GIGYF2: variants seen among roughly 807,000 people sequenced by gnomAD.
GIGYF2 encodes the protein GRB10 interacting GYF protein 2, also known as GRB10-interacting GYF protein 2.
Under a neutral mutation model 208.1 loss-of-function variants are expected in GIGYF2, and 25 were observed. That is an observed-to-expected ratio of 0.12 (90% CI 0.09 to 0.17). The LOEUF (loss-of-function observed/expected upper bound fraction) is 0.17. Ranked by LOEUF, GIGYF2 falls within the 10% of genes least tolerant of loss-of-function variation. The probability of loss-of-function intolerance (pLI) is 1.00; values close to 1 mark genes in which losing one functional copy is unlikely to be tolerated. For missense variants in GIGYF2, 1,302 were observed against 1,579.4 expected, an observed-to-expected ratio of 0.82 and a Z score of 2.98; for synonymous variants, 534 against 543.8, an observed-to-expected ratio of 0.98 and a Z score of 0.25.
intron 12 of GIGYF2, among the ~76,000 whole-genome samples, chr2:232,792,443 A>G (rs1200218445): frequency 6.6e-6 from 1 of 152,192 alleles, no homozygotes; most frequent in Non-Finnish European, 1.5e-5. Context: ...ATTTTTTTAA[A>G]GAGATGGGAT....
chr2:232,849,391 C>G (rs1432468947), intron 27 of GIGYF2, among the ~76,000 whole-genome samples: 1 of 152,102 alleles, frequency 6.6e-6, no homozygotes, highest in Non-Finnish European at 1.5e-5. Flanking sequence ...GTCTTGAACT[C>G]CCGACCTCAT....
chr2:232,798,840 C>A (rs922421669), intron 14 of GIGYF2, among the ~76,000 whole-genome samples: 4 of 150,754 alleles, frequency 2.7e-5, no homozygotes, highest in Non-Finnish European at 5.9e-5. Context: ...TTAAAATTTA[C>A]CATCTTAGCC....
chr2:232,752,965 A>C (rs372276604), intron 5 of GIGYF2, among the ~76,000 whole-genome samples: 1 of 152,014 alleles, frequency 6.6e-6, no homozygotes, highest in South Asian at 2.1e-4. Flanking sequence ...AATAACCACT[A>C]TTTCCATTTT....
intron 21 of GIGYF2, among the ~76,000 whole-genome samples, chr2:232,820,377 T>G (rs986689208): frequency 6.8e-6 from 1 of 147,822 alleles, no homozygotes; most frequent in African/African-American, 2.5e-5. Context: ...TGCAGTGGTG[T>G]GATCTTGGCT....
chr2:232,775,050 A>C (rs1000857075), intron 8 of GIGYF2, among the ~76,000 whole-genome samples: 1 of 152,064 alleles, frequency 6.6e-6, no homozygotes, highest in African/African-American at 2.4e-5. Flanking sequence ...TGATAATCGG[A>C]ACAGTTAAGC....
intron 2 of GIGYF2, chr2:232,731,056 A>G (rs1433756414): frequency 6.6e-6 from 1 of 152,170 alleles, no homozygotes; most frequent in African/African-American, 2.4e-5. Flanking sequence ...GTAGTACTCA[A>G]AGATTTATAG....
intron 2 of GIGYF2, among the ~76,000 whole-genome samples, chr2:232,727,581 A>G (rs967413147): frequency 6.6e-6 from 1 of 152,190 alleles, no homozygotes; most frequent in African/African-American, 2.4e-5. Context: ...ATGTGGTGAG[A>G]ATAGTACCTC....
chr2:232,794,297 ATT>A (rs752900839), intron 12 of GIGYF2, among the ~76,000 whole-genome samples: 13 of 152,218 alleles, frequency 8.5e-5, no homozygotes, highest in Non-Finnish European at 1.9e-4. Context: ...AATATATTGA[ATT>A]ATATTAATCA....
rs763332650 is a variant in GIGYF2, at chr2:232,856,894, T to G, written c.*34T>G. The G allele has an allele frequency of 1.4e-6, 2 of 1,447,016 alleles. No individual in the cohort carries two copies. Among genetic ancestry groups the G allele is most frequent in the East Asian group, 4.5e-5 (2 of 44,160 alleles). The allele number at this position is 1,447,016 out of a possible 1,614,324, so 89.6% of individuals were successfully genotyped here. Reference sequence around the variant, plus strand: ...CAGTGGACTGGCCATCCCTCTCCTGTCTGCCGACTATGGAGTCTCCACCTT... The same window carrying G: ...CAGTGGACTGGCCATCCCTCTCCTGGCTGCCGACTATGGAGTCTCCACCTT... On this transcript the variant is annotated 3_prime_UTR_variant, in exon 29 of 29. Transcript: ENST00000373563.
chr2:232,750,595 G>A (rs2106315055), intron 5 of GIGYF2, among the ~76,000 whole-genome samples: 1 of 151,968 alleles, frequency 6.6e-6, no homozygotes, highest in South Asian at 2.1e-4. Flanking sequence ...GCATTTCTTT[G>A]CCTGTAGCAG....
In GIGYF2 at chr2:232,856,951, T is replaced by G; in HGVS notation, c.*91T>G. 1 of 873,066 alleles carries G rather than the reference T, an allele frequency of 1.1e-6. No homozygotes were observed. The highest frequency in any genetic ancestry group is 1.3e-5 in the South Asian group (1 of 76,342). 54.1% of individuals were successfully genotyped at this position (873,066 alleles called of 1,614,324 possible). On this transcript the variant is annotated 3_prime_UTR_variant, in exon 29 of 29. Transcript: ENST00000373563. ...CAACACTTACTCACCATTTACTCTT[T>G]ATCACTCTGCAACAAATCACAGAAC...
intron 2 of GIGYF2, among the ~76,000 whole-genome samples, chr2:232,730,604 T>A (rs1246819454): frequency 1.1e-4 from 12 of 113,100 alleles, no homozygotes; most frequent in Middle Eastern, 5.6e-3. Context: ...GACTCAGTCT[T>A]AAAAAAAAAA....
At chr2:232,718,449 C>G (rs932800694) in intron 2 of GIGYF2, among the ~76,000 whole-genome samples, 4 of 152,124 alleles carry the variant, frequency 2.6e-5, no homozygotes, top group Non-Finnish European at 4.4e-5. Context: ...GAGTATACTG[C>G]AGATTGGTTT....
chr2:232,768,361 G>T, intron 8 of GIGYF2: 1 of 1,614,084 alleles, frequency 6.2e-7, no homozygotes, highest in African/African-American at 1.3e-5. Flanking sequence ...TTGGAACCTC[G>T]GGTCAACAGA....
In GIGYF2 at chr2:232,794,779, G is replaced by A. The variant is rs775394375; in HGVS notation, c.1314G>A (p.Ser438=). The change falls in exon 13 of 29, where the codon TCG becomes TCA. Residue 438 remains serine (S), a synonymous_variant. Transcript: ENST00000373563. ...EMVADVQQPL[S]QIPSDTASPL... ...TTGCTGATGTCCAGCAGCCCCTGTC[G>A]CAGATTCCTTCAGATACAGCCTCTC... is the stretch of plus-strand genomic sequence containing the variant. 7.0e-5 allele frequency: 113 copies of A among 1,613,508 alleles called. No individual in the cohort carries two copies. The highest frequency in any genetic ancestry group is 9.0e-5 in the Non-Finnish European group (106 of 1,179,724).
At chr2:232,835,998 A>C (rs1701577302) in intron 22 of GIGYF2, among the ~76,000 whole-genome samples, 1 of 151,928 alleles carries the variant, frequency 6.6e-6, no homozygotes, top group South Asian at 2.1e-4. Context: ...GCACTGATGC[A>C]GTTAGGACAG....
At chr2:232,817,532 A>G (rs1700951278) in intron 20 of GIGYF2, among the ~76,000 whole-genome samples, 1 of 152,182 alleles carries the variant, frequency 6.6e-6, no homozygotes, top group Non-Finnish European at 1.5e-5. Context: ...TCCATTAAAC[A>G]AGGAGCCCCA....
intron 20 of GIGYF2, among the ~76,000 whole-genome samples, chr2:232,819,433 T>A (rs185768385): frequency 6.6e-6 from 1 of 152,298 alleles, no homozygotes; most frequent in East Asian, 1.9e-4. Context: ...TTTTGGTGGC[T>A]ATGTTGATTT....
At chr2:232,750,731 CTGTGTG>C (rs61571808) in intron 5 of GIGYF2, among the ~76,000 whole-genome samples, 9 of 147,282 alleles carry the variant, frequency 6.1e-5, no homozygotes, top group African/African-American at 1.0e-4. Context: ...TATATGAGCT[CTGTGTG>C]TGTGTGTGTG....
Sources: gnomAD v4.1 joint callset for allele counts (sites outside exome capture counted in the v4.1 genomes callset) on GRCh38, gnomAD v4.1.1 for gene constraint, MANE v1.5 for transcripts, NCBI Gene and HGNC (gene_info 2026-07-23, HGNC 2026-07-21) for gene names.